The following C15orf39 variants were observed in gnomAD, a reference collection of about 807,000 sequenced individuals.
C15orf39 encodes the protein uncharacterized protein C15orf39.
Under a neutral mutation model 53.9 loss-of-function variants are expected in C15orf39, and 24 were observed. That is an observed-to-expected ratio of 0.45 (90% CI 0.32 to 0.63). The LOEUF (loss-of-function observed/expected upper bound fraction) is 0.63, where lower values mean the gene tolerates loss of function less well. Ranked by LOEUF, C15orf39 falls within the 20% of genes least tolerant of loss-of-function variation. C15orf39 has a pLI of 0.04. For missense variants in C15orf39, 1,271 were observed against 1,347.9 expected (o/e 0.94, Z 0.89); for synonymous variants, 569 against 576.5 (o/e 0.99, Z 0.19).
chr15:75,202,755 A>G (rs1470604368), intron 1 of C15orf39, among the ~76,000 whole-genome samples: 1 of 152,168 alleles, frequency 6.6e-6, no homozygotes, highest in Non-Finnish European at 1.5e-5. Context: ...GCGTGTGTGC[A>G]GATGTGGGCC....
In C15orf39 at chr15:75,210,890, C is replaced by A; in HGVS notation, c.2918C>A (p.Pro973Gln). The A allele has an allele frequency of 6.2e-7, 1 of 1,613,754 alleles. No homozygotes were observed. Among genetic ancestry groups the A allele is most frequent in the Middle Eastern group, 1.7e-4 (1 of 6,060 alleles). ...GGCAGGAAGCCACCAACCCCTGGCC[C>A]GGAGAAAGCAGAGGCAGCTGCTGGG... ...KPGRKPPTPG[P>Q]EKAEAAAGEE... is the part of the protein sequence containing the mutation. The change falls in exon 3 of 3, where the codon CCG becomes CAG. Residue 973 changes from proline (P) to glutamine (Q), a missense_variant. Around this residue, in one of 2 missense-constraint regions of C15orf39, gnomAD observed 277 missense variants for 354.1 expected, o/e 0.78. Transcript: ENST00000394987.
At chr15:75,199,952 A>G (rs747053215), upstream of C15orf39, among the ~76,000 whole-genome samples, 17 of 152,162 alleles carry the variant, frequency 1.1e-4, no homozygotes, top group Non-Finnish European at 1.8e-4. Context: ...TTCATTCTCT[A>G]TAGGCTCCAC....
chr15:75,204,580 T>C (rs1317090314), intron 1 of C15orf39, among the ~76,000 whole-genome samples: 5 of 152,366 alleles, frequency 3.3e-5, no homozygotes, highest in Admixed American at 1.3e-4. Context: ...CAATCTTGGC[T>C]CACTGCAACC....
rs1356954089 is a variant in C15orf39, at chr15:75,207,402, C to T, written c.1354C>T (p.Pro452Ser). 1 of 1,613,398 alleles carries T rather than the reference C, an allele frequency of 6.2e-7. No homozygotes were observed. Among genetic ancestry groups the T allele is most frequent in the Admixed American group, 1.7e-5 (1 of 60,016 alleles). Reference sequence around the variant, plus strand: ...CAGCTGCAGGAAAGAGAAGCTCCAGCCCCGGCTCAGTGAGCACTCTGGGCC... The same window carrying T: ...CAGCTGCAGGAAAGAGAAGCTCCAGTCCCGGCTCAGTGAGCACTCTGGGCC... Reference protein sequence around the residue: ...LPSCRKEKLQPRLSEHSGPPI... With the variant: ...LPSCRKEKLQSRLSEHSGPPI... Residue 452 changes from proline to serine, a missense_variant, in exon 2 of 3, where the codon CCC becomes TCC. Physicochemically the swap from Pro to Ser is moderately conservative, Grantham distance 74. Coordinates refer to ENST00000394987, the MANE Select transcript of C15orf39 (RefSeq NM_015492.5).
At position 75,207,826 on chromosome 15, in the gene C15orf39, C is replaced by G. The variant is rs1023579809; in HGVS notation, c.1778C>G (p.Ser593Cys). The G allele has an allele frequency of 5.6e-6, 9 of 1,612,668 alleles. No individual in the cohort carries two copies. In the African/African-American group the frequency reaches 1.2e-4, roughly 22 times the overall value. The stretch of plus-strand genomic sequence containing the variant: ...GCCTCCCCTGTCAAGGCTTCCCGTT[C>G]TGTGGAGCATGCCAAGCCTACTGCA... ...AEASPVKASR[S>C]VEHAKPTAAM... The change falls in exon 2 of 3, where the codon TCT becomes TGT. Residue 593 changes from serine to cysteine, a missense_variant. Physicochemically the swap from Ser to Cys is moderately radical, Grantham distance 112 (BLOSUM62 -1). Coordinates refer to ENST00000394987, the MANE Select transcript of C15orf39 (RefSeq NM_015492.5).
At chr15:75,202,936 CCCG>C (rs2070414698) in intron 1 of C15orf39, among the ~76,000 whole-genome samples, 5 of 152,222 alleles carry the variant, frequency 3.3e-5, no homozygotes, top group Admixed American at 1.3e-4. Flanking sequence ...GCCCTAGGCA[CCCG>C]AGTTATGTTC....
chr15:75,207,001 G>A lies in C15orf39; in HGVS notation c.953G>A (p.Gly318Asp). 1 of 1,600,002 alleles carries A rather than the reference G, an allele frequency of 6.2e-7. No homozygotes were observed. Among genetic ancestry groups the A allele is most frequent in the Non-Finnish European group, 8.5e-7 (1 of 1,173,180 alleles). The change falls in exon 2 of 3, where the codon GGT becomes GAT. Residue 318 changes from glycine to aspartate, a missense_variant. Physicochemically the swap from Gly to Asp is moderately conservative, Grantham distance 94. Transcript: ENST00000394987. The stretch of plus-strand genomic sequence containing the variant: ...CACAAGGGGACCGGGTACCAGGCTG[G>A]TGGGCTGGGCAGCCCCTACCTGAGG... ...GGHKGTGYQA[G>D]GLGSPYLRQQ...
intron 2 of C15orf39, chr15:75,209,034 C>T (rs1223239788): frequency 1.2e-6 from 1 of 824,086 alleles, no homozygotes; most frequent in African/African-American, 1.7e-5. Context: ...GGCTTCTGAA[C>T]ATGCCAGCTG....
Position 75,208,297 on chromosome 15 carries a change from G to T in C15orf39, c.2249G>T (p.Gly750Val). The T allele has an allele frequency of 6.3e-7, 1 of 1,576,406 alleles. No individual in the cohort carries two copies. Among genetic ancestry groups the T allele is most frequent in the East Asian group, 2.3e-5 (1 of 42,584 alleles). The change falls in exon 2 of 3, where the codon GGC becomes GTC. Residue 750 changes from glycine to valine, a missense_variant. Gly to Val is a moderately radical substitution (Grantham distance 109, BLOSUM62 -3). Coordinates refer to ENST00000394987, the MANE Select transcript of C15orf39 (RefSeq NM_015492.5). ...GCTCCAGCTCCAGCTCCAGTTGCAG[G>T]CCCTGCTCCAGCATCTACTTCAGCC... ...DPAPAPAPVA[G>V]PAPASTSAPG...
In C15orf39 at chr15:75,208,519, G is replaced by A. The variant is rs377303002; in HGVS notation, c.2471G>A (p.Arg824His). The change falls in exon 2 of 3, where the codon CGC becomes CAC. Residue 824 changes from arginine to histidine, a missense_variant. Coordinates refer to ENST00000394987, the MANE Select transcript of C15orf39 (RefSeq NM_015492.5). ...GCCAAGCTGCTGTCTCAGCTGCAGC[G>A]CTTCGATCGCACCCACCGGTGCCCC... Reference protein sequence around the residue: ...LLAKLLSQLQRFDRTHRCPFP... With the variant: ...LLAKLLSQLQHFDRTHRCPFP... 13 of 1,581,046 alleles carry A rather than the reference G, an allele frequency of 8.2e-6. No homozygotes were observed. The highest frequency in any genetic ancestry group is 1.7e-4 in the Middle Eastern group (1 of 6,028).
At chr15:75,204,701 C>A (rs2070426454) in intron 1 of C15orf39, among the ~76,000 whole-genome samples, 1 of 152,070 alleles carries the variant, frequency 6.6e-6, no homozygotes, top group Admixed American at 6.5e-5. Context: ...GTAGAGACAG[C>A]GTTTCACCAT....
At chr15:75,204,710 A>G (rs1467674940) in intron 1 of C15orf39, among the ~76,000 whole-genome samples, 1 of 152,158 alleles carries the variant, frequency 6.6e-6, no homozygotes, top group Non-Finnish European at 1.5e-5. Flanking sequence ...GCGTTTCACC[A>G]TGTTGGTCAG....
upstream of C15orf39, chr15:75,201,811 C>T (rs1452150416): frequency 1.3e-5 from 2 of 151,932 alleles, no homozygotes; most frequent in Non-Finnish European, 2.9e-5. This position sits in a 1 kb window ranked among gnomAD's most constrained non-coding sequence, Gnocchi z 4.7. Flanking sequence ...AGAGGCGGGG[C>T]CGGGCTCTTC....
chr15:75,203,216 C>T (rs1301517923), intron 1 of C15orf39, among the ~76,000 whole-genome samples: 1 of 152,270 alleles, frequency 6.6e-6, no homozygotes, highest in Non-Finnish European at 1.5e-5. Context: ...AAAGTGGGAA[C>T]AGAGAGCTGT....
intron 1 of C15orf39, among the ~76,000 whole-genome samples, chr15:75,203,861 G>C (rs2070420952): frequency 6.6e-6 from 1 of 152,144 alleles, no homozygotes; most frequent in Non-Finnish European, 1.5e-5. Context: ...GAGTGAGATG[G>C]GGGCTTTCAC....
chr15:75,207,846 A>C lies in C15orf39; in HGVS notation c.1798A>C (p.Thr600Pro), dbSNP rs758951591. 3.1e-6 allele frequency: 5 copies of C among 1,613,406 alleles called. No individual in the cohort carries two copies. The highest frequency in any genetic ancestry group is 1.1e-5 in the South Asian group (1 of 91,034). Residue 600 changes from threonine (T) to proline (P), a missense_variant, in exon 2 of 3, where the codon ACT becomes CCT. This residue lies in a region of C15orf39 where 994 missense variants were observed against 993.7 expected (regional missense o/e 1.00). Coordinates refer to ENST00000394987, the MANE Select transcript of C15orf39 (RefSeq NM_015492.5). The part of the protein sequence containing the change: ...ASRSVEHAKP[T>P]AAMDVPDVGN... The stretch of plus-strand genomic sequence containing the variant: ...CCGTTCTGTGGAGCATGCCAAGCCT[A>C]CTGCAGCCATGGATGTGCCAGATGT...
intron 1 of C15orf39, among the ~76,000 whole-genome samples, chr15:75,203,939 T>C (rs968602743): frequency 6.6e-6 from 1 of 152,152 alleles, no homozygotes; most frequent in Non-Finnish European, 1.5e-5. Context: ...TAATGGCCCC[T>C]CTGTGTCTTC....
rs372532124 is a variant in C15orf39, at chr15:75,206,747, T to G, written c.699T>G (p.Pro233=). 141 of 1,613,400 alleles carry G rather than the reference T, an allele frequency of 8.7e-5. 1 individual carries two copies. The East Asian group carries it at 2.1e-3, about 24-fold the overall frequency. Reference sequence around the variant, plus strand: ...TCCTGGCCTCCAGGTACACAGGTCCTTACCCTAGGAACTCCAAGCAAGCAA... The same window carrying G: ...TCCTGGCCTCCAGGTACACAGGTCCGTACCCTAGGAACTCCAAGCAAGCAA... ...TGFLASRYTG[P]YPRNSKQAMS... The change falls in exon 2 of 3, where the codon CCT becomes CCG. Residue 233 remains proline, a synonymous_variant. Transcript: ENST00000394987.
At position 75,206,475 on chromosome 15, in the gene C15orf39, T is replaced by C. The variant is rs1420745260; in HGVS notation, c.427T>C (p.Ser143Pro). 6.2e-7 allele frequency: 1 copy of C among 1,614,080 alleles called. No individual in the cohort carries two copies. The highest frequency in any genetic ancestry group is 8.5e-7 in the Non-Finnish European group (1 of 1,179,982). ...CCGCAACCCTCTGTGCTATGGGCTCTCAACTTGTCTGGGGGAAGGAGCAGT... is the reference window on the plus strand; with the variant it reads ...CCGCAACCCTCTGTGCTATGGGCTCCCAACTTGTCTGGGGGAAGGAGCAGT... Reference protein sequence around the residue: ...VYRNPLCYGLSTCLGEGAVKR... With the variant: ...VYRNPLCYGLPTCLGEGAVKR... Residue 143 changes from serine (S) to proline (P), a missense_variant, in exon 2 of 3, where the codon TCA becomes CCA. By Grantham distance (74) the Ser-to-Pro change is moderately conservative. Transcript: ENST00000394987.
Sources: gnomAD v4.1 joint callset for allele counts (sites outside exome capture counted in the v4.1 genomes callset) on GRCh38, gnomAD v4.1.1 for gene constraint, gnomAD v4.1.1 regional missense constraint, Gnocchi (gnomAD v3.1) non-coding constraint, MANE v1.5 for transcripts, NCBI Gene and HGNC (gene_info 2026-07-23, HGNC 2026-07-21) for gene names.